Variants in PCDH11X observed in about 807,000 individuals in gnomAD.
PCDH11X encodes protocadherin 11 X-linked.
A neutral mutation model predicts 53.3 loss-of-function variants in PCDH11X; 18 were observed. The observed-to-expected ratio is 0.34, with a 90% CI of 0.23 to 0.50. The LOEUF (loss-of-function observed/expected upper bound fraction) is 0.50. PCDH11X is among the 20% of genes least tolerant of loss of function. The pLI is 0.98. For missense variants in PCDH11X, 570 were observed against 1,032.4 expected (o/e 0.55, Z 6.14); for synonymous variants, 279 against 393.3 (o/e 0.71, Z 3.44).
At chrX:92,252,587 T>G (rs1358512604) in intron 7 of PCDH11X, among the ~76,000 whole-genome samples, 1 of 111,763 alleles carries the variant, frequency 8.9e-6, no homozygotes, top group Non-Finnish European at 1.9e-5. Context: ...TGATAAGTGT[T>G]TTTAGTTAAA....
chrX:92,585,442 G>C (rs1374785368), intron 10 of PCDH11X, among the ~76,000 whole-genome samples: 2 of 105,155 alleles, frequency 1.9e-5, no homozygotes, highest in African/African-American at 7.0e-5. Flanking sequence ...TGCTATCTCG[G>C]CTCACTGCAA....
At chrX:92,408,244 T>A (rs1425020233) in intron 9 of PCDH11X, among the ~76,000 whole-genome samples, 1 of 111,063 alleles carries the variant, frequency 9.0e-6, no homozygotes, top group African/African-American at 3.3e-5. Context: ...TGCCTAGATA[T>A]AATTTTCCAT....
chrX:92,097,129 AG>A (rs1248222760), intron 6 of PCDH11X, among the ~76,000 whole-genome samples: 1 of 111,398 alleles, frequency 9.0e-6, no homozygotes, highest in Non-Finnish European at 1.9e-5. Flanking sequence ...AAATTGAAAA[AG>A]TCAGGGACCA....
intron 5 of PCDH11X, among the ~76,000 whole-genome samples, chrX:91,852,207 G>A (rs1938071901): frequency 9.4e-6 from 1 of 106,932 alleles, no homozygotes; most frequent in Non-Finnish European, 1.9e-5. Flanking sequence ...TAGAGACGGG[G>A]TTTCACCATG....
chrX:92,257,417 C>CT (rs2067617376), intron 7 of PCDH11X, among the ~76,000 whole-genome samples: 1 of 111,491 alleles, frequency 9.0e-6, no homozygotes, highest in Non-Finnish European at 1.9e-5. Flanking sequence ...TAAAATCATG[C>CT]TTCCCAACAG....
intron 10 of PCDH11X, among the ~76,000 whole-genome samples, chrX:92,492,295 T>G (rs142464039): frequency 0.024 from 2,654 of 112,052 alleles, 74 homozygotes; most frequent in African/African-American, 0.082. Flanking sequence ...TAAACTTTGA[T>G]GTAACCCACA....
At chrX:92,428,259 C>A (rs1180484539) in intron 9 of PCDH11X, among the ~76,000 whole-genome samples, 1 of 111,139 alleles carries the variant, frequency 9.0e-6, no homozygotes, top group Admixed American at 9.6e-5. Flanking sequence ...AGTGATGTAG[C>A]AGTTGATTGC....
At position 91,883,667 on chromosome X, in the gene PCDH11X, T is replaced by C. The variant is rs7876098; in HGVS notation, c.3033+4394T>C. 8,194 of 495,923 alleles carry C rather than the reference T, an allele frequency of 0.017. 627 individuals are homozygous for C. The African/African-American group carries it at 0.21, about 12-fold the overall frequency. 40.9% of individuals were successfully genotyped at this position (495,923 alleles called of 1,213,427 possible). ...AAAAATACAAAAAATTAGCCTGGCG[T>C]GGTGGCGGGCGCCTGTAGTCCCAGC... On this transcript the variant is annotated intron_variant, in intron 6 of 10. Transcript: ENST00000682573.
At chrX:92,545,408 T>G (rs868354101) in intron 10 of PCDH11X, among the ~76,000 whole-genome samples, 227 of 59,972 alleles carry the variant, frequency 3.8e-3, no homozygotes, top group Middle Eastern at 9.2e-3. Context: ...TTTTTTTTTT[T>G]TTTTTGTTTT....
At chrX:92,292,455 A>G (rs2068512390) in intron 8 of PCDH11X, among the ~76,000 whole-genome samples, 2 of 112,270 alleles carry the variant, frequency 1.8e-5, no homozygotes, top group Admixed American at 9.5e-5. Flanking sequence ...GGTTCAGATT[A>G]TGTCTTGTTC....
chrX:92,287,036 T>G (rs2068389668), intron 8 of PCDH11X, among the ~76,000 whole-genome samples: 1 of 111,142 alleles, frequency 9.0e-6, no homozygotes, highest in Non-Finnish European at 1.9e-5. Context: ...TTATTAATGA[T>G]AGTATGATTC....
At chrX:91,970,053 G>T (rs1006701749) in intron 6 of PCDH11X, among the ~76,000 whole-genome samples, 2 of 111,112 alleles carry the variant, frequency 1.8e-5, no homozygotes, top group African/African-American at 6.6e-5. Context: ...ATCACAGTGA[G>T]TGTTACAGCT....
intron 1 of PCDH11X, among the ~76,000 whole-genome samples, chrX:91,781,648 CTGTGTGTGTGTGTGTGCGCGTG>C (rs1208607309): frequency 1.8e-5 from 2 of 108,777 alleles, no homozygotes; most frequent in African/African-American, 6.7e-5. Context: ...CTCTGTGGGT[CTGTGTGTGTGTGTGTGCGCGTG>C]TGTGTGTGTG....
chrX:92,553,444 T>C (rs1016993444), intron 10 of PCDH11X, among the ~76,000 whole-genome samples: 1 of 110,518 alleles, frequency 9.0e-6, no homozygotes, highest in Non-Finnish European at 1.9e-5. Flanking sequence ...CATTTCTAGT[T>C]TTCCATATTT....
At chrX:92,288,861 T>A (rs2148454727) in intron 8 of PCDH11X, among the ~76,000 whole-genome samples, 1 of 109,454 alleles carries the variant, frequency 9.1e-6, no homozygotes, top group Admixed American at 9.8e-5. Context: ...ATGAATATAT[T>A]TTCTTAATTT....
At chrX:91,910,184 A>G (rs1941325292) in intron 6 of PCDH11X, among the ~76,000 whole-genome samples, 1 of 106,797 alleles carries the variant, frequency 9.4e-6, no homozygotes, top group African/African-American at 3.4e-5. Context: ...GATTGCTAAT[A>G]AGCATCTTAG....
intron 6 of PCDH11X, among the ~76,000 whole-genome samples, chrX:92,014,111 A>G (rs933994037): frequency 8.1e-5 from 9 of 111,076 alleles, no homozygotes; most frequent in African/African-American, 2.3e-4. Flanking sequence ...ACAGAATGGG[A>G]GAAAATTTTT....
intron 10 of PCDH11X, among the ~76,000 whole-genome samples, chrX:92,546,096 T>C (rs2074850312): frequency 9.3e-6 from 1 of 107,876 alleles, no homozygotes; most frequent in South Asian, 3.9e-4. Flanking sequence ...AACCTTTGTC[T>C]ACTCTTAGAA....
chrX:92,201,383 G>C lies in PCDH11X; in HGVS notation c.3042G>C (p.Lys1014Asn). ...TTTCTTCCCTTCTAAAGCCAATGAA[G>C]GAGGTTGTGCGATCTTGCACCCCCA... ...PVSVHTRPPM[K>N]EVVRSCTPMK... The change falls in exon 7 of 11, where the codon AAG becomes AAC. Residue 1014 changes from lysine (K) to asparagine (N), a missense_variant. Around this residue, in one of 6 missense-constraint regions of PCDH11X, gnomAD observed 234 missense variants for 296.1 expected, o/e 0.79. Coordinates refer to ENST00000682573, the MANE Select transcript of PCDH11X (RefSeq NM_032968.5). 8.3e-7 allele frequency: 1 copy of C among 1,200,537 alleles called. No homozygotes were observed. Among genetic ancestry groups the C allele is most frequent in the Middle Eastern group, 2.3e-4 (1 of 4,322 alleles).
Sources: allele counts gnomAD v4.1 joint callset (sites outside exome capture counted in the v4.1 genomes callset), GRCh38; gene constraint gnomAD v4.1.1; regional missense constraint gnomAD v4.1.1; transcripts MANE v1.5; gene names NCBI Gene and HGNC (gene_info 2026-07-23, HGNC 2026-07-21).